Variants in ST3GAL2 observed in about 807,000 individuals in gnomAD.
ST3GAL2 encodes ST3 beta-galactoside alpha-2,3-sialyltransferase 2.
A neutral mutation model predicts 37.5 loss-of-function variants in ST3GAL2; 16 were observed. The observed-to-expected ratio is 0.43, with a 90% CI of 0.29 to 0.65. The LOEUF (loss-of-function observed/expected upper bound fraction) is 0.65. Ranked by LOEUF, ST3GAL2 falls within the 30% of genes least tolerant of loss-of-function variation. ST3GAL2 has a pLI of 0.17. For missense variants in ST3GAL2, 383 were observed against 487.8 expected (o/e 0.79, Z 2.02); for synonymous variants, 238 against 202.9 (o/e 1.17, Z -1.47).
chr16:70,417,822 G>C (rs148007667), intron 1 of ST3GAL2, among the ~76,000 whole-genome samples: 3 of 151,894 alleles, frequency 2.0e-5, no homozygotes, highest in South Asian at 2.1e-4. Context: ...CTGGGGGGGC[G>C]GGGGGAATGT....
At chr16:70,396,035 G>C (rs375348805) in intron 2 of ST3GAL2, among the ~76,000 whole-genome samples, 5 of 150,390 alleles carry the variant, frequency 3.3e-5, no homozygotes, top group African/African-American at 1.2e-4. Context: ...GCAATGGCGC[G>C]ATCTTGGCTC....
chr16:70,429,807 A>C (rs1332408918), intron 1 of ST3GAL2, among the ~76,000 whole-genome samples: 1 of 151,450 alleles, frequency 6.6e-6, no homozygotes, highest in Non-Finnish European at 1.5e-5. Flanking sequence ...ACACCCGGCT[A>C]ATTTTTTGTA....
intron 4 of ST3GAL2, among the ~76,000 whole-genome samples, chr16:70,384,138 A>C (rs1157849416): frequency 6.6e-6 from 1 of 152,166 alleles, no homozygotes; most frequent in African/African-American, 2.4e-5. Context: ...GAACATCCTA[A>C]GTCAGGAAAC....
At chr16:70,415,852 C>T (rs1164760722) in intron 1 of ST3GAL2, among the ~76,000 whole-genome samples, 4 of 149,698 alleles carry the variant, frequency 2.7e-5, no homozygotes, top group East Asian at 3.9e-4. Context: ...CTTGGCTCAC[C>T]GCAACCTCCG....
chr16:70,429,958 G>T (rs1255538855), intron 1 of ST3GAL2, among the ~76,000 whole-genome samples: 1 of 152,148 alleles, frequency 6.6e-6, no homozygotes. Flanking sequence ...AAACCCTGTG[G>T]GTAGCTAAGG....
intron 1 of ST3GAL2, among the ~76,000 whole-genome samples, chr16:70,434,642 GCAA>G (rs1407477677): frequency 6.6e-6 from 1 of 152,158 alleles, no homozygotes; most frequent in East Asian, 1.9e-4. Flanking sequence ...CAAAGCAGCG[GCAA>G]CAACACCCAC....
chr16:70,394,663 C>T (rs547062478), intron 3 of ST3GAL2, among the ~76,000 whole-genome samples: 2 of 152,204 alleles, frequency 1.3e-5, no homozygotes, highest in Non-Finnish European at 1.5e-5. Context: ...CAGGTGTGAA[C>T]CACCATGCCC....
chr16:70,381,664 C>T lies in ST3GAL2; in HGVS notation c.*25G>A, dbSNP rs139731922. The T allele has an allele frequency of 0.023, 36,905 of 1,609,416 alleles. 513 individuals are homozygous for T. Among genetic ancestry groups the T allele is most frequent in the Non-Finnish European group, 0.027 (32,299 of 1,178,014 alleles). On this transcript the variant is annotated 3_prime_UTR_variant, in exon 7 of 7. Coordinates refer to ENST00000342907, the MANE Select transcript of ST3GAL2 (RefSeq NM_006927.4). ...GAGCCCCGGTGCCCGATAGATGGGC[C>T]GGAAGGGTCGCGGCGAGGCCCGGCT...
chr16:70,415,877 G>A (rs1191669159), intron 1 of ST3GAL2, among the ~76,000 whole-genome samples: 1 of 149,320 alleles, frequency 6.7e-6, no homozygotes, highest in Non-Finnish European at 1.5e-5. Flanking sequence ...CCGGGTTCAA[G>A]CGATTCTCCT....
At chr16:70,408,886 G>GAAAC in intron 1 of ST3GAL2, among the ~76,000 whole-genome samples, 1 of 15,428 alleles carries the variant, frequency 6.5e-5, no homozygotes, top group Non-Finnish European at 1.9e-4. Flanking sequence ...ACAGCTCAAA[G>GAAAC]AAACAAAAAA....
chr16:70,398,109 C>A, intron 2 of ST3GAL2, 83 bp downstream of exon 2: 1 of 1,459,896 alleles, frequency 6.8e-7, no homozygotes, highest in South Asian at 1.3e-5. Context: ...TGTCAAGGCT[C>A]TGGGGGCCAG....
chr16:70,407,632 C>A (rs566984333), intron 1 of ST3GAL2, among the ~76,000 whole-genome samples: 5 of 152,308 alleles, frequency 3.3e-5, no homozygotes, highest in African/African-American at 1.2e-4. Flanking sequence ...GGAGATGCAG[C>A]CGAAGGGCTA....
rs560780397 is a variant in ST3GAL2, at chr16:70,385,806, T to A, written c.713+2561A>T. Among the ~76,000 whole-genome samples the A allele has an allele frequency of 1.9e-3, 270 of 143,040 alleles. 2 individuals carry two copies. The highest frequency in any genetic ancestry group is 6.9e-3 in the Admixed American group (97 of 13,962). The allele number at this position is 143,040 out of a possible 152,430, so 93.8% of individuals were successfully genotyped here. A position where few individuals can be genotyped will look rare whatever the true frequency, so the allele number is the denominator to read the frequency against. On this transcript the variant is annotated intron_variant, in intron 4 of 6. Transcript: ENST00000342907. ...GCAACCTCTGCCTCCCGGGTTCAAG[T>A]GATCCGATCCTCCCACCTCATCCTT...
intron 3 of ST3GAL2, among the ~76,000 whole-genome samples, chr16:70,390,684 G>GT (rs1003551772): frequency 1.3e-5 from 2 of 152,208 alleles, no homozygotes; most frequent in Admixed American, 1.3e-4. Context: ...TGTCTGGACA[G>GT]AGGGGACATT....
intron 1 of ST3GAL2, among the ~76,000 whole-genome samples, chr16:70,401,994 CA>C (rs749422742): frequency 5.5e-3 from 329 of 60,198 alleles, no homozygotes; most frequent in African/African-American, 0.019. Flanking sequence ...AACTCTGCCT[CA>C]AAAAAAAAAA....
chr16:70,376,120 G>T lies in ST3GAL2; in HGVS notation c.*5569C>A, dbSNP rs1240512156. On this transcript the variant is annotated 3_prime_UTR_variant, in exon 7 of 7. Coordinates refer to ENST00000342907, the MANE Select transcript of ST3GAL2 (RefSeq NM_006927.4). ...GAGACGCAGCCCAGGGGACTGCCAT[G>T]GCCCTGCGAAGGGGCAGCGTCTCTT... The T allele has an allele frequency of 6.6e-6, 1 of 152,244 alleles. No individual in the cohort carries two copies. Among genetic ancestry groups the T allele is most frequent in the Non-Finnish European group, 1.5e-5 (1 of 68,048 alleles). The allele number at this position is 152,244 out of a possible 1,614,324, so 9.4% of individuals were successfully genotyped here.
intron 1 of ST3GAL2, among the ~76,000 whole-genome samples, chr16:70,418,844 C>T (rs544453403): frequency 4.4e-4 from 67 of 152,296 alleles, no homozygotes; most frequent in South Asian, 2.9e-3. Flanking sequence ...TCAACCCTCT[C>T]CTCCCCCACC....
At position 70,413,399 on chromosome 16, in the gene ST3GAL2, G is replaced by A. The variant is rs576276012; in HGVS notation, c.-1003-13866C>T. The stretch of plus-strand genomic sequence containing the variant: ...CCACTGCACACCAGCCTGGGCAACA[G>A]AGTGAGACTCTGTCTCTATAAAAAA... On this transcript the variant is annotated intron_variant, in intron 1 of 6. Coordinates refer to ENST00000342907, the MANE Select transcript of ST3GAL2 (RefSeq NM_006927.4). 5.0e-3 allele frequency among the ~76,000 whole-genome samples: 744 copies of A among 148,306 alleles called. 5 individuals are homozygous for A. Among genetic ancestry groups the A allele is most frequent in the African/African-American group, 0.017 (664 of 40,182 alleles).
At chr16:70,433,707 A>C (rs924833123) in intron 1 of ST3GAL2, among the ~76,000 whole-genome samples, 1 of 152,176 alleles carries the variant, frequency 6.6e-6, no homozygotes, top group African/African-American at 2.4e-5. Flanking sequence ...ACCCACTCCA[A>C]GACCCTGGAG....
Sources: gnomAD v4.1 joint callset for allele counts (sites outside exome capture counted in the v4.1 genomes callset) on GRCh38, gnomAD v4.1.1 for gene constraint, MANE v1.5 for transcripts, NCBI Gene and HGNC (gene_info 2026-07-23, HGNC 2026-07-21) for gene names.